The following MYH8 variants were observed in gnomAD, a reference collection of about 807,000 sequenced individuals.
The protein encoded by MYH8 is myosin heavy chain 8.
A neutral mutation model predicts 233.2 loss-of-function variants in MYH8; 168 were observed. The ratio of observed to expected loss-of-function variants is 0.72; its 90% confidence interval spans 0.64 to 0.82. The LOEUF is 0.82. Among genes scored for constraint, MYH8 ranks in the 40% least tolerant of loss-of-function variants. The pLI, the probability that MYH8 is intolerant of heterozygous loss-of-function variation, is 0.00. For missense variants in MYH8, 1,995 were observed against 2,327.8 expected (o/e 0.86, Z 2.94); for synonymous variants, 785 against 850.6 (o/e 0.92, Z 1.34).
intron 12 of MYH8, among the ~76,000 whole-genome samples, chr17:10,413,629 A>G (rs2072263745): frequency 6.6e-6 from 1 of 152,172 alleles, no homozygotes; most frequent in African/African-American, 2.4e-5. Flanking sequence ...TGCCAAGGCC[A>G]ACCAGGAGCA....
At chr17:10,397,069 ATTTCTTTTCT>A (rs568240473) in intron 30 of MYH8, 83 bp from the exon 31 acceptor site, 13 of 1,446,224 alleles carry the variant, frequency 9.0e-6, no homozygotes, top group Non-Finnish European at 9.6e-7. Context: ...TCACAGTCCT[ATTTCTTTTCT>A]TTTCTTTTGT....
intron 17 of MYH8, among the ~76,000 whole-genome samples, chr17:10,408,053 G>A (rs1239464827): frequency 1.3e-5 from 2 of 150,622 alleles, no homozygotes; most frequent in Non-Finnish European, 2.9e-5. Context: ...CGATTCTTCT[G>A]CCTCAGCCTC....
chr17:10,391,738 A>G, intron 39 of MYH8, 144 bp downstream of exon 39: 1 of 721,034 alleles, frequency 1.4e-6, no homozygotes, highest in Non-Finnish European at 2.5e-6. Context: ...ATTTGGCGGG[A>G]CAAATTCATA....
intron 30 of MYH8, among the ~76,000 whole-genome samples, chr17:10,398,150 A>G (rs1044607686): frequency 5.3e-5 from 8 of 152,224 alleles, no homozygotes; most frequent in African/African-American, 1.7e-4. Context: ...TAGAATCAGA[A>G]TGACAGGCTC....
In MYH8 at chr17:10,420,135, G is replaced by C; in HGVS notation, c.93C>G (p.Asn31Lys). 1 of 1,614,264 alleles carries C rather than the reference G, an allele frequency of 6.2e-7. No homozygotes were observed. Among genetic ancestry groups the C allele is most frequent in the South Asian group, 1.1e-5 (1 of 91,090 alleles). The change falls in exon 3 of 40, where the codon AAC (asparagine) becomes AAG (lysine). Residue 31 changes from asparagine to lysine, a missense_variant. By Grantham distance (94) the Asn-to-Lys change is moderately conservative. Around this residue, in one of 3 missense-constraint regions of MYH8, gnomAD observed 479 missense variants for 600.9 expected, o/e 0.80. Transcript: ENST00000403437. ...KSEKERIEAQ[N>K]KPFDAKTSVF... ...CAGATGTTTTAGCATCAAACGGCTTGTTTTGGGCCTCAATCCGCTCCTTTT... is the reference window on the plus strand; with the variant it reads ...CAGATGTTTTAGCATCAAACGGCTTCTTTTGGGCCTCAATCCGCTCCTTTT...
In MYH8 at chr17:10,417,728, A is replaced by G. The variant is rs544848941; in HGVS notation, c.511+917T>C. Among the ~76,000 whole-genome samples the G allele has an allele frequency of 6.6e-6, 1 of 152,216 alleles. No individual in the cohort carries two copies. The highest frequency in any genetic ancestry group is 2.4e-5 in the African/African-American group (1 of 41,448). On this transcript the variant is annotated intron_variant, in intron 5 of 39. Transcript: ENST00000403437. The surrounding 1 kb of genome is among the most constrained non-coding windows in gnomAD (Gnocchi z 4.1). ...TTTGGATAATTTCTGGGAGGTAGTTAGCTTCTGTTGACAATCAAAGAACAG... is the reference window on the plus strand; with the variant it reads ...TTTGGATAATTTCTGGGAGGTAGTTGGCTTCTGTTGACAATCAAAGAACAG...
intron 17 of MYH8, among the ~76,000 whole-genome samples, chr17:10,408,206 TG>T (rs1248689584): frequency 6.6e-6 from 1 of 152,088 alleles, no homozygotes; most frequent in Non-Finnish European, 1.5e-5. Context: ...CCCAAAGTGC[TG>T]GGATTACAGG....
chr17:10,401,320 G>T lies in MYH8; in HGVS notation c.3063C>A (p.Asn1021Lys). 6.2e-7 allele frequency: 1 copy of T among 1,614,180 alleles called. No individual in the cohort carries two copies. Among genetic ancestry groups the T allele is most frequent in the Middle Eastern group, 1.7e-4 (1 of 6,060 alleles). ...GCTTGGTTTTAGCTTTGGTCAGGAT[G>T]TTGACTTTGTCCTCCTCTGCCTGCA... ...DDLQAEEDKV[N>K]ILTKAKTKLE... Residue 1021 changes from asparagine (N) to lysine (K), a missense_variant, in exon 24 of 40, where the codon AAC becomes AAA. By Grantham distance (94) the Asn-to-Lys change is moderately conservative (BLOSUM62 0). Coordinates refer to ENST00000403437, the MANE Select transcript of MYH8 (RefSeq NM_002472.3).
Position 10,414,403 on chromosome 17 carries a change from T to G in MYH8, c.887A>C (p.Lys296Thr). Residue 296 changes from lysine (K) to threonine (T), a missense_variant, in exon 10 of 40, where the codon AAG becomes ACG. Coordinates refer to ENST00000403437, the MANE Select transcript of MYH8 (RefSeq NM_002472.3). ...TTTCTTACCAATTAGATCTGGCTTCTTATTGGAAGTGATCTGATAAAAAAT... is the reference window on the plus strand; with the variant it reads ...TTTCTTACCAATTAGATCTGGCTTCGTATTGGAAGTGATCTGATAAAAAAT... Reference protein sequence around the residue: ...YHIFYQITSNKKPDLIEMLLI... With the variant: ...YHIFYQITSNTKPDLIEMLLI... 1 of 1,612,272 alleles carries G rather than the reference T, an allele frequency of 6.2e-7. No individual in the cohort carries two copies.
intron 30 of MYH8, 32 bp downstream of exon 30, chr17:10,398,412 G>T: frequency 1.9e-6 from 3 of 1,613,760 alleles, no homozygotes; most frequent in Non-Finnish European, 1.7e-6. Flanking sequence ...GCTGCTTCTG[G>T]GAGTTCCTCT....
chr17:10,412,468 G>A lies in MYH8; in HGVS notation c.1318C>T (p.Leu440=), dbSNP rs141899271. 1,231 of 1,614,228 alleles carry A rather than the reference G, an allele frequency of 7.6e-4. 1 individual carries two copies. Among genetic ancestry groups the A allele is most frequent in the Non-Finnish European group, 9.4e-4 (1,107 of 1,180,046 alleles). Residue 440 remains leucine, a synonymous_variant, in exon 14 of 40, where the codon CTG becomes TTG. Transcript: ENST00000403437. ...TGGTTGATGCGGGTGACCATCCACA[G>A]GAACATCTTCTCGTAGACGGCTTTG... ...LAKAVYEKMF[L]WMVTRINQQL... is the part of the protein sequence containing the mutation.
chr17:10,415,485 G>C lies in MYH8; in HGVS notation c.635C>G (p.Ser212Cys). The C allele has an allele frequency of 6.2e-7, 1 of 1,614,208 alleles. No individual in the cohort carries two copies. The highest frequency in any genetic ancestry group is 8.5e-7 in the Non-Finnish European group (1 of 1,180,022). ...AVTGEKKKDE[S>C]GKMQGTLEDQ... The stretch of plus-strand genomic sequence containing the variant: ...TATCAGACCTACCTGCATTTTGCCA[G>C]ATTCATCCTTCTTCTTCTCTCCAGT... Residue 212 changes from serine to cysteine, a missense_variant, in exon 7 of 40, where the codon TCT (serine) becomes TGT (cysteine). By Grantham distance (112) the Ser-to-Cys change is moderately radical. This residue lies in a region of MYH8 where 479 missense variants were observed against 600.9 expected (regional missense o/e 0.80). Transcript: ENST00000403437. This position sits in a 1 kb window ranked among gnomAD's most constrained non-coding sequence, Gnocchi z 4.1.
At position 10,395,438 on chromosome 17, in the gene MYH8, A is replaced by C. The variant is rs772703670; in HGVS notation, c.4657T>G (p.Ser1553Ala). ...IQAALEEAEA[S>A]LEHEEGKILR... The stretch of plus-strand genomic sequence containing the variant: ...ATCTTTCCTTCTTCATGTTCAAGAG[A>C]TGCCTTAACAAAACAGTGATCAATT... Residue 1553 changes from serine (S) to alanine (A), a missense_variant, in exon 34 of 40, where the codon TCT becomes GCT. Physicochemically the swap from Ser to Ala is moderately conservative, Grantham distance 99. Coordinates refer to ENST00000403437, the MANE Select transcript of MYH8 (RefSeq NM_002472.3). The C allele has an allele frequency of 6.2e-7, 1 of 1,613,976 alleles. No individual in the cohort carries two copies. Among genetic ancestry groups the C allele is most frequent in the East Asian group, 2.2e-5 (1 of 44,884 alleles).
chr17:10,401,329 G>T lies in MYH8; in HGVS notation c.3054C>A (p.Asp1018Glu). Reference sequence around the variant, plus strand: ...TAGCTTTGGTCAGGATGTTGACTTTGTCCTCCTCTGCCTGCAGGTCATCCA... The same window carrying T: ...TAGCTTTGGTCAGGATGTTGACTTTTTCCTCCTCTGCCTGCAGGTCATCCA... ...QTLDDLQAEE[D>E]KVNILTKAKT... Residue 1018 changes from aspartate to glutamate, a missense_variant, in exon 24 of 40, where the codon GAC (aspartate) becomes GAA (glutamate). Around this residue, in one of 3 missense-constraint regions of MYH8, gnomAD observed 1,498 missense variants for 1,680.9 expected, o/e 0.89. Transcript: ENST00000403437. 3.1e-6 allele frequency: 5 copies of T among 1,614,128 alleles called. No individual in the cohort carries two copies. Among genetic ancestry groups the T allele is most frequent in the Non-Finnish European group, 2.5e-6 (3 of 1,180,026 alleles).
Position 10,398,534 on chromosome 17 carries a change from G to A in MYH8, c.4088C>T (p.Ala1363Val), listed in dbSNP as rs1246525590. Reference sequence around the variant, plus strand: ...AACCTCACTGTTGGCCTTGGACAGCGCCCTCTGCAGCTCAGCTTTGCCTTC... The same window carrying A: ...AACCTCACTGTTGGCCTTGGACAGCACCCTCTGCAGCTCAGCTTTGCCTTC... Reference protein sequence around the residue: ...EQEGKAELQRALSKANSEVAQ... With the variant: ...EQEGKAELQRVLSKANSEVAQ... Residue 1363 changes from alanine to valine, a missense_variant, in exon 30 of 40, where the codon GCG becomes GTG. Coordinates refer to ENST00000403437, the MANE Select transcript of MYH8 (RefSeq NM_002472.3). 4.3e-6 allele frequency: 7 copies of A among 1,614,152 alleles called. No individual in the cohort carries two copies. Among genetic ancestry groups the A allele is most frequent in the Admixed American group, 1.7e-5 (1 of 60,026 alleles).
chr17:10,407,147 A>C lies in MYH8; in HGVS notation c.1966-168T>G, dbSNP rs541165094. The stretch of plus-strand genomic sequence containing the variant: ...CAAGAGTTCTAGCCTGCCAAATAAC[A>C]AAAAGGCCAAAGTGGTTGGAAGGAA... On this transcript the variant is annotated intron_variant, in intron 17 of 39. Coordinates refer to ENST00000403437, the MANE Select transcript of MYH8 (RefSeq NM_002472.3). Among the ~76,000 whole-genome samples, 6 of 152,298 alleles carry C rather than the reference A, an allele frequency of 3.9e-5. No individual in the cohort carries two copies. The South Asian group carries it at 1.2e-3, about 32-fold the overall frequency.
Position 10,400,870 on chromosome 17 carries a change from T to C in MYH8, c.3344A>G (p.Gln1115Arg). 6.2e-7 allele frequency: 1 copy of C among 1,613,826 alleles called. No homozygotes were observed. Among genetic ancestry groups the C allele is most frequent in the Non-Finnish European group, 8.5e-7 (1 of 1,180,000 alleles). ...AAAAATAGAGGTGAGATGACTCACC[T>C]GCAACTCTTTGATCTTCTTCTGTAG... ...IQLQKKIKEL[Q>R]ARIEELGEEI... Residue 1115 changes from glutamine (Q) to arginine (R), a missense_variant and splice_region_variant, in exon 26 of 40, where the codon CAG becomes CGG. Transcript: ENST00000403437. This position sits in a 1 kb window ranked among gnomAD's most constrained non-coding sequence, Gnocchi z 4.0.
chr17:10,391,763 C>T (rs1053790787), intron 39 of MYH8, 119 bp downstream of exon 39: 2 of 785,160 alleles, frequency 2.5e-6, no homozygotes, highest in Non-Finnish European at 4.5e-6. Context: ...TAAAATCATC[C>T]CTCTTAAAAT....
chr17:10,399,495 C>G, intron 28 of MYH8, 48 bp downstream of exon 28: 1 of 1,611,770 alleles, frequency 6.2e-7, no homozygotes, highest in Non-Finnish European at 8.5e-7. Flanking sequence ...CCCCTAGAAT[C>G]CATTTTATTT....
Sources: allele counts gnomAD v4.1 joint callset (sites outside exome capture counted in the v4.1 genomes callset), GRCh38; gene constraint gnomAD v4.1.1; regional missense constraint gnomAD v4.1.1; non-coding constraint Gnocchi (gnomAD v3.1); transcripts MANE v1.5; gene names NCBI Gene and HGNC (gene_info 2026-07-23, HGNC 2026-07-21).